The following ADAMTS2 variants were observed in gnomAD, a reference collection of about 807,000 sequenced individuals.
ADAMTS2 encodes the protein A disintegrin and metalloproteinase with thrombospondin motifs 2.
In ADAMTS2, 50 loss-of-function variants were observed where a neutral mutation model predicts 123.0. That is an observed-to-expected ratio of 0.41 (90% CI 0.32 to 0.51). The LOEUF (loss-of-function observed/expected upper bound fraction) is 0.51. ADAMTS2 is among the 20% of genes least tolerant of loss of function. ADAMTS2 has a pLI of 0.35. For synonymous variants in ADAMTS2, 678 were observed against 695.4 expected, an observed-to-expected ratio of 0.98 and a Z score of 0.39; for missense variants, 1,494 against 1,705.2, an observed-to-expected ratio of 0.88 and a Z score of 2.18.
At chr5:179,274,045 T>C (rs1766622320) in intron 2 of ADAMTS2, among the ~76,000 whole-genome samples, 1 of 149,978 alleles carries the variant, frequency 6.7e-6, no homozygotes, top group Non-Finnish European at 1.5e-5. Context: ...AAACCTGTGT[T>C]CCCCCTTCGA....
At chr5:179,338,633 G>A (rs1267705492) in intron 2 of ADAMTS2, among the ~76,000 whole-genome samples, 1 of 152,214 alleles carries the variant, frequency 6.6e-6, no homozygotes, top group East Asian at 1.9e-4. Flanking sequence ...GCCGGAGCTG[G>A]AGGGCCCTGA....
At position 179,128,250 on chromosome 5, in the gene ADAMTS2, G is replaced by A. The variant is rs891737911; in HGVS notation, c.2458-132C>T. Reference sequence around the variant, plus strand: ...CATGGCAGTTACATTCCATGAAGTCGCCCCGAGCACCAAATTCTTGAATAG... The same window carrying A: ...CATGGCAGTTACATTCCATGAAGTCACCCCGAGCACCAAATTCTTGAATAG... On this transcript the variant is annotated intron_variant, in intron 16 of 21. Coordinates refer to ENST00000251582, the MANE Select transcript of ADAMTS2 (RefSeq NM_014244.5). This position sits in a 1 kb window ranked among gnomAD's most constrained non-coding sequence, Gnocchi z 4.9. 3.5e-5 allele frequency: 40 copies of A among 1,156,288 alleles called. 1 individual carries two copies. The highest frequency in any genetic ancestry group is 3.3e-4 in the African/African-American group (22 of 65,888). The allele number at this position is 1,156,288 out of a possible 1,614,324, so 71.6% of individuals were successfully genotyped here. A position where few individuals can be genotyped will look rare whatever the true frequency, so the allele number is the denominator to read the frequency against.
At chr5:179,231,906 C>T (rs1765418468) in intron 3 of ADAMTS2, among the ~76,000 whole-genome samples, 2 of 144,156 alleles carry the variant, frequency 1.4e-5, no homozygotes, top group African/African-American at 2.6e-5. Context: ...CAGAGCGAGA[C>T]CCTGTCTCTA....
At chr5:179,192,491 G>A (rs1261692860) in intron 4 of ADAMTS2, among the ~76,000 whole-genome samples, 2 of 152,210 alleles carry the variant, frequency 1.3e-5, no homozygotes, top group East Asian at 3.9e-4. Flanking sequence ...CCAGACTCTG[G>A]CAGATGGAAA....
chr5:179,200,835 A>G (rs1046233853), intron 4 of ADAMTS2, among the ~76,000 whole-genome samples: 1 of 152,204 alleles, frequency 6.6e-6, no homozygotes, highest in Non-Finnish European at 1.5e-5. Flanking sequence ...CAAAAGGTCA[A>G]CAACAGGACT....
At position 179,272,850 on chromosome 5, in the gene ADAMTS2, C is replaced by T. The variant is rs905461356; in HGVS notation, c.688+61G>A. On this transcript the variant is annotated intron_variant, in intron 3 of 21. Transcript: ENST00000251582. This position sits in a 1 kb window ranked among gnomAD's most constrained non-coding sequence, Gnocchi z 5.8. ...AGCTGCCTGAGTCTCTGGGATGCTC[C>T]CCTGGGGACCAGGGCCTCAGAGGGC... 1 of 1,578,342 alleles carries T rather than the reference C, an allele frequency of 6.3e-7. No individual in the cohort carries two copies. Among genetic ancestry groups the T allele is most frequent in the Non-Finnish European group, 8.6e-7 (1 of 1,166,982 alleles).
At chr5:179,137,391 GAGA>G (rs1763082919) in intron 12 of ADAMTS2, among the ~76,000 whole-genome samples, 1 of 152,262 alleles carries the variant, frequency 6.6e-6, no homozygotes, top group African/African-American at 2.4e-5. Context: ...CCGACTAATA[GAGA>G]AGGTCAGAGG....
intron 2 of ADAMTS2, among the ~76,000 whole-genome samples, chr5:179,315,941 G>T (rs77319688): frequency 0.023 from 3,527 of 152,236 alleles, 141 homozygotes; most frequent in African/African-American, 0.081. Context: ...GTGAGAGAAG[G>T]AATATTTCAA....
chr5:179,197,990 G>A lies in ADAMTS2; in HGVS notation c.891+9523C>T, dbSNP rs1764467632. Among the ~76,000 whole-genome samples, 1 of 152,186 alleles carries A rather than the reference G, an allele frequency of 6.6e-6. No individual in the cohort carries two copies. Among genetic ancestry groups the A allele is most frequent in the South Asian group, 2.1e-4 (1 of 4,828 alleles). On this transcript the variant is annotated intron_variant, in intron 4 of 21. Coordinates refer to ENST00000251582, the MANE Select transcript of ADAMTS2 (RefSeq NM_014244.5). This position sits in a 1 kb window ranked among gnomAD's most constrained non-coding sequence, Gnocchi z 4.2. ...CCAGGCGCTGGCAGAGCAAGTTTTT[G>A]AAAATGTGAGAAATACCAAAGCCCC...
chr5:179,142,251 T>C (rs1306586141), intron 10 of ADAMTS2, among the ~76,000 whole-genome samples: 1 of 152,188 alleles, frequency 6.6e-6, no homozygotes, highest in Non-Finnish European at 1.5e-5. Flanking sequence ...AACAAAATGT[T>C]AAACCAGCTA....
At chr5:179,325,281 C>T (rs539448438) in intron 2 of ADAMTS2, among the ~76,000 whole-genome samples, 32 of 152,264 alleles carry the variant, frequency 2.1e-4, no homozygotes, top group Non-Finnish European at 3.4e-4. Flanking sequence ...GCTTTACCCT[C>T]AAAGTGGAGG....
chr5:179,172,708 T>C (rs1036413068), intron 5 of ADAMTS2, among the ~76,000 whole-genome samples: 1 of 152,200 alleles, frequency 6.6e-6, no homozygotes. Context: ...AAGCATGAAT[T>C]CTCTTTGATG....
chr5:179,319,520 C>T (rs1561738933), intron 2 of ADAMTS2, among the ~76,000 whole-genome samples: 1 of 152,106 alleles, frequency 6.6e-6, no homozygotes, highest in Non-Finnish European at 1.5e-5. Flanking sequence ...CACTGACGTG[C>T]TCACACATCA....
At chr5:179,144,929 C>T (rs531796484) in intron 10 of ADAMTS2, among the ~76,000 whole-genome samples, 70 of 152,198 alleles carry the variant, frequency 4.6e-4, no homozygotes, top group African/African-American at 1.6e-3. Flanking sequence ...GATGCCATCA[C>T]GAAAGTGAAA....
chr5:179,225,597 C>G lies in ADAMTS2; in HGVS notation c.689-17882G>C, dbSNP rs995843373. Among the ~76,000 whole-genome samples the G allele has an allele frequency of 7.2e-5, 11 of 152,172 alleles. No homozygotes were observed. The highest frequency in any genetic ancestry group is 1.5e-4 in the Non-Finnish European group (10 of 68,036). ...GGGGAGGAACACACAGGCGGCTGGA[C>G]GTCGAGAGGAACGCACCAACGAGCA... On this transcript the variant is annotated intron_variant, in intron 3 of 21. Coordinates refer to ENST00000251582, the MANE Select transcript of ADAMTS2 (RefSeq NM_014244.5). This position sits in a 1 kb window ranked among gnomAD's most constrained non-coding sequence, Gnocchi z 4.5.
At chr5:179,156,593 C>T (rs376728475) in intron 6 of ADAMTS2, among the ~76,000 whole-genome samples, 9 of 152,266 alleles carry the variant, frequency 5.9e-5, no homozygotes, top group African/African-American at 1.7e-4. Context: ...CTCCTGACCT[C>T]GTGACCTGCC....
intron 3 of ADAMTS2, among the ~76,000 whole-genome samples, chr5:179,264,082 G>A (rs1486423841): frequency 2.6e-5 from 4 of 152,124 alleles, no homozygotes; most frequent in Admixed American, 6.5e-5. Flanking sequence ...GCCTGTCCTC[G>A]CTGCTGCTGG....
At chr5:179,289,587 A>G (rs1355046044) in intron 2 of ADAMTS2, among the ~76,000 whole-genome samples, 4 of 152,202 alleles carry the variant, frequency 2.6e-5, no homozygotes, top group South Asian at 4.1e-4. Flanking sequence ...AATCATCGCA[A>G]TGGGAAAAAA....
At chr5:179,329,117 G>A (rs1451982303) in intron 2 of ADAMTS2, among the ~76,000 whole-genome samples, 3 of 152,160 alleles carry the variant, frequency 2.0e-5, no homozygotes, top group Non-Finnish European at 4.4e-5. Flanking sequence ...CACGAGGTCA[G>A]GAGATGGAGA....
Sources: gnomAD v4.1 joint callset for allele counts (sites outside exome capture counted in the v4.1 genomes callset) on GRCh38, gnomAD v4.1.1 for gene constraint, Gnocchi (gnomAD v3.1) non-coding constraint, MANE v1.5 for transcripts, NCBI Gene and HGNC (gene_info 2026-07-23, HGNC 2026-07-21) for gene names.